Variants in GALNT17 observed in about 807,000 individuals in gnomAD.
GALNT17 encodes polypeptide N-acetylgalactosaminyltransferase 17.
A neutral mutation model predicts 63.7 loss-of-function variants in GALNT17; 29 were observed. The observed-to-expected ratio is 0.46, with a 90% CI of 0.34 to 0.62. The LOEUF (loss-of-function observed/expected upper bound fraction) is 0.62, where lower values mean the gene tolerates loss of function less well. Ranked by LOEUF, GALNT17 falls within the 20% of genes least tolerant of loss-of-function variation. The probability of loss-of-function intolerance (pLI) is 0.01; values close to 1 mark genes in which losing one functional copy is unlikely to be tolerated. For missense variants in GALNT17, 603 were observed against 799.6 expected (o/e 0.75, Z 2.97); for synonymous variants, 305 against 318.3 (o/e 0.96, Z 0.45).
chr7:71,152,176 A>C (rs540970725), intron 1 of GALNT17, among the ~76,000 whole-genome samples: 1 of 152,282 alleles, frequency 6.6e-6, no homozygotes, highest in East Asian at 1.9e-4. Context: ...TAAAATGACT[A>C]ATAAAATACA....
At chr7:71,537,949 A>G (rs1788827002) in intron 5 of GALNT17, among the ~76,000 whole-genome samples, 1 of 152,182 alleles carries the variant, frequency 6.6e-6, no homozygotes. Context: ...CAGAGACTAC[A>G]AGAGCCAAGA....
At chr7:71,610,976 G>A (rs1193317616) in intron 6 of GALNT17, among the ~76,000 whole-genome samples, 4 of 118,928 alleles carry the variant, frequency 3.4e-5, no homozygotes, top group Non-Finnish European at 5.1e-5. Flanking sequence ...GTGACAGAGC[G>A]AGACTCCATT....
At chr7:71,424,272 G>A (rs1470642635) in intron 5 of GALNT17, among the ~76,000 whole-genome samples, 3 of 152,228 alleles carry the variant, frequency 2.0e-5, no homozygotes, top group Non-Finnish European at 4.4e-5. Flanking sequence ...CTGACAGACA[G>A]TGAGTTTCAT....
rs60921700 is a variant in GALNT17 at position 71,133,519 on chromosome 7, T to C, written c.238+479T>C. On this transcript the variant is annotated intron_variant, in intron 1 of 10. Coordinates refer to ENST00000333538, the MANE Select transcript of GALNT17 (RefSeq NM_022479.3). ...CCCCAGGTCGCGGAGCTAATGCGCT[T>C]AGGTAGTATATGGGAGGAATATGTC... Among the ~76,000 whole-genome samples, 19 of 152,184 alleles carry C rather than the reference T, an allele frequency of 1.2e-4. No homozygotes were observed. In the East Asian group the frequency reaches 3.3e-3, roughly 26 times the overall value.
chr7:71,533,201 T>C (rs563730418), intron 5 of GALNT17, among the ~76,000 whole-genome samples: 1 of 152,232 alleles, frequency 6.6e-6, no homozygotes, highest in Admixed American at 6.5e-5. Flanking sequence ...TTTGTTAAAC[T>C]ATAAGGGAAC....
chr7:71,600,247 G>GA (rs1789946420), intron 6 of GALNT17, among the ~76,000 whole-genome samples: 6 of 128,548 alleles, frequency 4.7e-5, no homozygotes, highest in African/African-American at 2.2e-4. Context: ...AATTAGGGAA[G>GA]GAAAAAAAAA....
At chr7:71,628,902 A>G (rs1245812272) in intron 6 of GALNT17, among the ~76,000 whole-genome samples, 2 of 152,118 alleles carry the variant, frequency 1.3e-5, no homozygotes, top group Non-Finnish European at 2.9e-5. Context: ...ACTGCACCTC[A>G]GCCTGGATGA....
chr7:71,630,661 C>T (rs1790441988), intron 6 of GALNT17, among the ~76,000 whole-genome samples: 1 of 152,108 alleles, frequency 6.6e-6, no homozygotes, highest in Non-Finnish European at 1.5e-5. Flanking sequence ...GTGTAATTGG[C>T]CCTCACAAAC....
chr7:71,535,122 C>T (rs1346016224), intron 5 of GALNT17, among the ~76,000 whole-genome samples: 3 of 152,138 alleles, frequency 2.0e-5, no homozygotes, highest in African/African-American at 4.8e-5. Flanking sequence ...GGAAGGGCCA[C>T]GTGGCTTCCT....
chr7:71,290,306 T>G (rs1453250318), intron 1 of GALNT17, among the ~76,000 whole-genome samples: 1 of 152,196 alleles, frequency 6.6e-6, no homozygotes, highest in Admixed American at 6.5e-5. Flanking sequence ...GAAGACATCT[T>G]TCGCTTTATG....
intron 6 of GALNT17, among the ~76,000 whole-genome samples, chr7:71,656,582 CTGAA>C (rs1331460433): frequency 6.6e-6 from 1 of 152,038 alleles, no homozygotes; most frequent in East Asian, 1.9e-4. Flanking sequence ...GGAGGTCAGA[CTGAA>C]TGGAGTTGGA....
chr7:71,358,544 C>A (rs965804199), intron 2 of GALNT17, among the ~76,000 whole-genome samples: 1 of 152,214 alleles, frequency 6.6e-6, no homozygotes, highest in Non-Finnish European at 1.5e-5. Context: ...TTCCCACTTT[C>A]TGGTTCCACA....
chr7:71,333,941 G>T (rs1401184572), intron 1 of GALNT17, among the ~76,000 whole-genome samples: 1 of 152,184 alleles, frequency 6.6e-6, no homozygotes, highest in African/African-American at 2.4e-5. Context: ...GGAGTTTTGA[G>T]CAGAGTTCAG....
intron 5 of GALNT17, among the ~76,000 whole-genome samples, chr7:71,502,261 A>G (rs1788192098): frequency 6.6e-6 from 1 of 152,236 alleles, no homozygotes; most frequent in Non-Finnish European, 1.5e-5. Context: ...AAAGTTAATC[A>G]CATTAGTATA....
intron 1 of GALNT17, among the ~76,000 whole-genome samples, chr7:71,245,579 T>C (rs115387074): frequency 0.01 from 1,534 of 152,246 alleles, 24 homozygotes; most frequent in African/African-American, 0.035. Flanking sequence ...TCTCTGGGCG[T>C]ATGTGCAACC....
chr7:71,666,325 T>C (rs1790984438), intron 7 of GALNT17, among the ~76,000 whole-genome samples: 2 of 148,428 alleles, frequency 1.3e-5, no homozygotes, highest in South Asian at 4.2e-4. Flanking sequence ...TATATATGTA[T>C]AAAATATATA....
At chr7:71,542,040 G>T (rs993689760) in intron 5 of GALNT17, among the ~76,000 whole-genome samples, 1 of 152,148 alleles carries the variant, frequency 6.6e-6, no homozygotes, top group African/African-American at 2.4e-5. Context: ...AAATGCAGGC[G>T]ATGATACAAA....
At chr7:71,156,267 A>G (rs1232664451) in intron 1 of GALNT17, among the ~76,000 whole-genome samples, 1 of 151,818 alleles carries the variant, frequency 6.6e-6, no homozygotes, top group Non-Finnish European at 1.5e-5. Context: ...TACCAAAGAT[A>G]AGGGCATAGA....
At chr7:71,495,745 A>G (rs901310628) in intron 5 of GALNT17, among the ~76,000 whole-genome samples, 7 of 152,114 alleles carry the variant, frequency 4.6e-5, no homozygotes, top group African/African-American at 1.4e-4. Flanking sequence ...TGAATTGGGC[A>G]TCGTAATAAT....
Sources: gnomAD v4.1 joint callset for allele counts (sites outside exome capture counted in the v4.1 genomes callset) on GRCh38, gnomAD v4.1.1 for gene constraint, MANE v1.5 for transcripts, NCBI Gene and HGNC (gene_info 2026-07-23, HGNC 2026-07-21) for gene names.